The following MSN variants were observed in gnomAD, a reference collection of about 807,000 sequenced individuals.
MSN encodes epididymis luminal protein 70.
In MSN, 2 loss-of-function variants were observed where a neutral mutation model predicts 48.0. The ratio of observed to expected loss-of-function variants is 0.04; its 90% CI spans 0.02 to 0.13. The LOEUF (loss-of-function observed/expected upper bound fraction) is 0.13. MSN is among the 10% of genes least tolerant of loss of function. The pLI is 1.00. For missense variants in MSN, 267 were observed against 470.1 expected, an observed-to-expected ratio of 0.57 and a Z score of 3.99; for synonymous variants, 146 against 166.9, an observed-to-expected ratio of 0.87 and a Z score of 0.97.
intron 4 of MSN, 78 bp downstream of exon 4, chrX:65,729,790 G>A (rs981977428): frequency 2.0e-5 from 21 of 1,046,019 alleles, no homozygotes; most frequent in Non-Finnish European, 2.3e-5. Context: ...TGCCTCACAG[G>A]GATGCCAGAT....
At chrX:65,596,600 CTT>C (rs1287923920) in intron 1 of MSN, among the ~76,000 whole-genome samples, 6 of 93,574 alleles carry the variant, frequency 6.4e-5, no homozygotes, top group Admixed American at 1.2e-4. Context: ...TTTTCTTTTT[CTT>C]TTTTTTTTTT....
At chrX:65,648,332 C>T (rs987135832) in intron 1 of MSN, among the ~76,000 whole-genome samples, 4 of 110,950 alleles carry the variant, frequency 3.6e-5, no homozygotes, top group African/African-American at 1.3e-4. Flanking sequence ...GTGGGCAGAT[C>T]GCCTGAGGTC....
chrX:65,729,819 G>T, intron 4 of MSN, 107 bp downstream of exon 4: 1 of 863,978 alleles, frequency 1.2e-6, no homozygotes, highest in Non-Finnish European at 1.6e-6. Context: ...CTCCATTGGG[G>T]TCTGTCTGAA....
chrX:65,640,399 G>T (rs1226077379), intron 1 of MSN, among the ~76,000 whole-genome samples: 2 of 111,659 alleles, frequency 1.8e-5, no homozygotes, highest in Non-Finnish European at 3.8e-5. Flanking sequence ...AAAAAAATTA[G>T]CTGGGCATGG....
At chrX:65,609,659 G>A (rs776109921) in intron 1 of MSN, among the ~76,000 whole-genome samples, 1 of 111,470 alleles carries the variant, frequency 9.0e-6, no homozygotes, top group South Asian at 3.8e-4. Context: ...CAAGGTGGGC[G>A]GATAATGAGG....
intron 1 of MSN, among the ~76,000 whole-genome samples, chrX:65,675,709 C>T (rs1413546607): frequency 9.0e-6 from 1 of 110,666 alleles, no homozygotes; most frequent in African/African-American, 3.3e-5. Context: ...GCAATCTTGG[C>T]TCACTGCAAC....
chrX:65,668,062 G>A (rs910052596), intron 1 of MSN, among the ~76,000 whole-genome samples: 1 of 112,445 alleles, frequency 8.9e-6, no homozygotes, highest in Admixed American at 9.4e-5. Context: ...AAGTTTGGAC[G>A]GGGCGAGGCC....
At chrX:65,648,280 C>T (rs924441184) in intron 1 of MSN, among the ~76,000 whole-genome samples, 4 of 112,056 alleles carry the variant, frequency 3.6e-5, no homozygotes, top group African/African-American at 1.3e-4. Flanking sequence ...TTGGGAGGCG[C>T]GGTGGCTCAC....
intron 1 of MSN, among the ~76,000 whole-genome samples, chrX:65,612,023 G>A (rs987922858): frequency 3.6e-5 from 4 of 111,790 alleles, no homozygotes; most frequent in African/African-American, 1.3e-4. Context: ...AAATATCTAT[G>A]CAAGTACTTT....
chrX:65,712,672 T>C (rs1308827006), intron 1 of MSN, among the ~76,000 whole-genome samples: 1 of 110,549 alleles, frequency 9.0e-6, no homozygotes, highest in Non-Finnish European at 1.9e-5. Context: ...TTTTACAAAG[T>C]TGAGCTCACG....
chrX:65,622,512 T>C (rs59211062), intron 1 of MSN, among the ~76,000 whole-genome samples: 2,120 of 79,237 alleles, frequency 0.027, 91 homozygotes, highest in African/African-American at 0.18. Context: ...GCATCTTTGT[T>C]TTTTTTTTTT....
chrX:65,601,893 CAAG>C (rs2148351292), intron 1 of MSN, among the ~76,000 whole-genome samples: 1 of 111,911 alleles, frequency 8.9e-6, no homozygotes, highest in Non-Finnish European at 1.9e-5. Context: ...AAAGGAGGCC[CAAG>C]AAGAAAGAGC....
At chrX:65,685,503 A>C (rs1429860974) in intron 1 of MSN, among the ~76,000 whole-genome samples, 1 of 112,420 alleles carries the variant, frequency 8.9e-6, no homozygotes, top group Non-Finnish European at 1.9e-5. Flanking sequence ...TGTTCTCCAC[A>C]GAAGAGCAGT....
intron 1 of MSN, among the ~76,000 whole-genome samples, chrX:65,606,568 A>G (rs1009910543): frequency 2.7e-5 from 3 of 111,553 alleles, no homozygotes; most frequent in African/African-American, 9.8e-5. Context: ...GACTACAGGC[A>G]TGTGCCACCA....
chrX:65,613,079 T>C (rs1489998945), intron 1 of MSN, among the ~76,000 whole-genome samples: 2 of 111,081 alleles, frequency 1.8e-5, no homozygotes, highest in Non-Finnish European at 3.8e-5. Flanking sequence ...CCTGTGTCCA[T>C]GTGTTCTCAT....
chrX:65,589,370 T>G (rs1281359457), intron 1 of MSN, among the ~76,000 whole-genome samples: 1 of 111,985 alleles, frequency 8.9e-6, no homozygotes, highest in Non-Finnish European at 1.9e-5. Context: ...CAAGAGCCCC[T>G]GAAAGACATC....
intron 1 of MSN, among the ~76,000 whole-genome samples, chrX:65,683,392 C>T (rs1181748196): frequency 3.2e-5 from 3 of 92,722 alleles, no homozygotes; most frequent in Non-Finnish European, 6.0e-5. Flanking sequence ...TTGCCGCCGC[C>T]GCCACCACCA....
intron 1 of MSN, among the ~76,000 whole-genome samples, chrX:65,700,997 A>G (rs1375638550): frequency 9.0e-6 from 1 of 111,559 alleles, no homozygotes; most frequent in African/African-American, 3.3e-5. Flanking sequence ...ACCCTCCAAC[A>G]TACTCACATC....
chrX:65,671,749 G>A (rs1023418319), intron 1 of MSN, among the ~76,000 whole-genome samples: 6 of 112,038 alleles, frequency 5.4e-5, no homozygotes, highest in African/African-American at 1.9e-4. Flanking sequence ...TCTGGGTAGG[G>A]AGGGGGCTGG....
Sources: allele counts gnomAD v4.1 joint callset (sites outside exome capture counted in the v4.1 genomes callset), GRCh38; gene constraint gnomAD v4.1.1; transcripts MANE v1.5; gene names NCBI Gene and HGNC (gene_info 2026-07-23, HGNC 2026-07-21).